DMD: variants seen among roughly 807,000 people sequenced by gnomAD.
DMD encodes the protein dystrophin.
Under a neutral mutation model 330.1 loss-of-function variants are expected in DMD, and 63 were observed. The observed-to-expected ratio is 0.19, with a 90% CI of 0.16 to 0.24. The LOEUF is 0.24. Ranked by LOEUF, DMD falls within the 10% of genes least tolerant of loss-of-function variation. DMD has a pLI of 1.00. For missense variants in DMD, 3,344 were observed against 2,684.1 expected (o/e 1.25, Z -5.43); for synonymous variants, 1,223 against 959.8 (o/e 1.27, Z -5.07).
intron 1 of DMD, among the ~76,000 whole-genome samples, chrX:33,167,245 T>G (rs946685565): frequency 9.0e-6 from 1 of 111,442 alleles, no homozygotes; most frequent in Non-Finnish European, 1.9e-5. Context: ...TATTTTTCTA[T>G]TATTATTTTA....
At chrX:31,347,015 AAAAAAAAAAAAAAAAAAAAAAG>A (rs1318969489) in intron 61 of DMD, among the ~76,000 whole-genome samples, 24 of 78,593 alleles carry the variant, frequency 3.1e-4, no homozygotes, top group East Asian at 3.8e-4. Context: ...AAAAAAAAAA[AAAAAAAAAAAAAAAAAAAAAAG>A]GAAGGATGCA....
chrX:31,643,325 A>T (rs1399818891), intron 54 of DMD, among the ~76,000 whole-genome samples: 2 of 111,751 alleles, frequency 1.8e-5, no homozygotes, highest in Non-Finnish European at 3.8e-5. Context: ...TTTCTTGTAG[A>T]TATATTAGTA....
chrX:32,740,826 T>A (rs2069159271), intron 7 of DMD, among the ~76,000 whole-genome samples: 1 of 111,585 alleles, frequency 9.0e-6, no homozygotes, highest in Non-Finnish European at 1.9e-5. Flanking sequence ...GTAAAATTTG[T>A]TATCCCAAGG....
chrX:31,449,795 T>TATATATAG (rs1556643941), intron 59 of DMD, among the ~76,000 whole-genome samples: 31 of 81,267 alleles, frequency 3.8e-4, no homozygotes, highest in Middle Eastern at 7.2e-3. Context: ...TATATATATA[T>TATATATAG]ATAGATAGAT....
At chrX:31,207,580 C>T (rs1168203175) in intron 65 of DMD, among the ~76,000 whole-genome samples, 11 of 111,772 alleles carry the variant, frequency 9.8e-5, no homozygotes, top group South Asian at 3.8e-4. Context: ...CTTTTGAACA[C>T]GGATTAGCTG....
chrX:33,126,987 G>C (rs2095469146), intron 1 of DMD, among the ~76,000 whole-genome samples: 1 of 111,618 alleles, frequency 9.0e-6, no homozygotes, highest in East Asian at 2.8e-4. Flanking sequence ...CTGTAAGTGA[G>C]AAATGACAAC....
chrX:31,266,212 T>TCC (rs2051095013), intron 62 of DMD, among the ~76,000 whole-genome samples: 1 of 84,614 alleles, frequency 1.2e-5, no homozygotes, highest in Non-Finnish European at 2.2e-5. Context: ...CCCCACCCCC[T>TCC]GAAATCTTTG....
Position 31,664,529 on chromosome X carries a change from C to CTTTTTTT in DMD, c.7873-6392_7873-6386dup, listed in dbSNP as rs57706460. Among the ~76,000 whole-genome samples, 88 of 63,726 alleles carry CTTTTTTT rather than the reference C, an allele frequency of 1.4e-3. 5 individuals carry two copies. Among genetic ancestry groups the CTTTTTTT allele is most frequent in the East Asian group, 3.9e-3 (7 of 1,813 alleles). The allele number at this position is 63,726 out of a possible 115,157, so 55.3% of individuals were successfully genotyped here. ...CCTCTGTATTCTCTGAGTGTTCAAG[C>CTTTTTTT]TTTTTTTTTTTTTTTTTTGCCTGTC... On this transcript the variant is annotated intron_variant, in intron 53 of 78. Transcript: ENST00000357033.
chrX:31,845,436 C>T (rs994253537), intron 48 of DMD, among the ~76,000 whole-genome samples: 1 of 75,173 alleles, frequency 1.3e-5, no homozygotes, highest in African/African-American at 4.6e-5. Flanking sequence ...CCTCTCCTCC[C>T]GTCCCTCTCT....
At chrX:32,335,148 G>C (rs1358032090) in intron 41 of DMD, among the ~76,000 whole-genome samples, 2 of 110,579 alleles carry the variant, frequency 1.8e-5, no homozygotes, top group African/African-American at 3.3e-5. Context: ...AAAAAAGTTA[G>C]TGGAAAAATA....
At chrX:31,169,270 T>C (rs1404062251) in intron 74 of DMD, among the ~76,000 whole-genome samples, 173 bp downstream of exon 74, 1 of 109,758 alleles carries the variant, frequency 9.1e-6, no homozygotes, top group Non-Finnish European at 1.9e-5. Flanking sequence ...CATTGTCTTC[T>C]TTCAGATAAC....
chrX:32,700,950 T>A (rs1368156845), intron 7 of DMD, among the ~76,000 whole-genome samples: 1 of 112,143 alleles, frequency 8.9e-6, no homozygotes, highest in Non-Finnish European at 1.9e-5. Context: ...AGAACCATGA[T>A]TAATCAGAAC....
intron 1 of DMD, among the ~76,000 whole-genome samples, chrX:33,227,652 C>T (rs1169970659): frequency 3.6e-5 from 4 of 110,402 alleles, no homozygotes; most frequent in Non-Finnish European, 7.6e-5. Context: ...AGGAGAGAAG[C>T]TTTGAGAGGA....
At chrX:33,305,013 T>G (rs1416685097) in intron 1 of DMD, among the ~76,000 whole-genome samples, 2 of 109,227 alleles carry the variant, frequency 1.8e-5, no homozygotes, top group African/African-American at 3.3e-5. Context: ...GTGTGGCGAT[T>G]CCTCAGGGAT....
chrX:31,528,452 C>T (rs944727635), intron 55 of DMD, among the ~76,000 whole-genome samples: 1 of 111,710 alleles, frequency 9.0e-6, no homozygotes, highest in South Asian at 3.8e-4. Context: ...TTGATACATA[C>T]GTATAGTCAC....
chrX:32,760,997 T>G (rs918144025), intron 7 of DMD, among the ~76,000 whole-genome samples: 1 of 109,150 alleles, frequency 9.2e-6, no homozygotes, highest in African/African-American at 3.4e-5. Context: ...CTCTAAAATA[T>G]AGCCCAAATG....
chrX:31,372,603 C>T (rs1168781379), intron 60 of DMD, among the ~76,000 whole-genome samples: 2 of 111,674 alleles, frequency 1.8e-5, no homozygotes, highest in African/African-American at 6.5e-5. Flanking sequence ...TTACAAAAGG[C>T]CTTTGACAAA....
chrX:31,366,888 T>C (rs187140951), intron 60 of DMD, among the ~76,000 whole-genome samples: 1 of 111,034 alleles, frequency 9.0e-6, no homozygotes, highest in East Asian at 2.8e-4. Context: ...GTTTCCCTTA[T>C]GCTACAGCAT....
intron 9 of DMD, among the ~76,000 whole-genome samples, chrX:32,674,488 C>A (rs912400969): frequency 9.0e-6 from 1 of 111,439 alleles, no homozygotes; most frequent in Non-Finnish European, 1.9e-5. Context: ...AGTCAATATC[C>A]TTTCTTCTAC....
Sources: allele counts gnomAD v4.1 joint callset (sites outside exome capture counted in the v4.1 genomes callset), GRCh38; gene constraint gnomAD v4.1.1; transcripts MANE v1.5; gene names NCBI Gene and HGNC (gene_info 2026-07-23, HGNC 2026-07-21).